CTNNA2: variants seen among roughly 807,000 people sequenced by gnomAD.
CTNNA2 encodes the protein catenin alpha 2, also known as catenin alpha-2.
A neutral mutation model predicts 101.0 loss-of-function variants in CTNNA2; 42 were observed. The observed-to-expected ratio is 0.42, with a 90% CI of 0.32 to 0.54. The LOEUF (loss-of-function observed/expected upper bound fraction) is 0.54, where lower values mean the gene tolerates loss of function less well. Ranked by LOEUF, CTNNA2 falls within the 20% of genes least tolerant of loss-of-function variation. The probability of loss-of-function intolerance (pLI) is 0.14; values close to 1 mark genes in which losing one functional copy is unlikely to be tolerated. For synonymous variants in CTNNA2, 450 were observed against 456.4 expected (o/e 0.99, Z 0.18); for missense variants, 871 against 1,223.1 (o/e 0.71, Z 4.29).
intron 7 of CTNNA2, among the ~76,000 whole-genome samples, chr2:80,261,124 C>T (rs1359812567): frequency 1.3e-5 from 2 of 152,166 alleles, no homozygotes; most frequent in African/African-American, 4.8e-5. Context: ...TTGTTCAAAA[C>T]AGCATGCAAT....
chr2:80,477,837 G>A (rs913511601), intron 9 of CTNNA2, among the ~76,000 whole-genome samples: 9 of 151,834 alleles, frequency 5.9e-5, no homozygotes, highest in African/African-American at 1.9e-4. Flanking sequence ...ATTGTGAATT[G>A]TGCTGTGATA....
intron 7 of CTNNA2, among the ~76,000 whole-genome samples, chr2:80,117,246 A>G (rs1032712516): frequency 2.0e-5 from 3 of 152,142 alleles, no homozygotes; most frequent in African/African-American, 7.2e-5. Flanking sequence ...AACAATGCAT[A>G]TAACACTCAG....
At chr2:79,794,657 T>C (rs1394962974) in intron 3 of CTNNA2, among the ~76,000 whole-genome samples, 1 of 152,222 alleles carries the variant, frequency 6.6e-6, no homozygotes, top group Non-Finnish European at 1.5e-5. Flanking sequence ...TTCTATGCTG[T>C]ACAGTAGATC....
chr2:79,746,289 T>C (rs1671640052), intron 3 of CTNNA2, among the ~76,000 whole-genome samples: 1 of 152,200 alleles, frequency 6.6e-6, no homozygotes, highest in South Asian at 2.1e-4. Context: ...AGGAGTTCTT[T>C]ATATAGTCTG....
At chr2:79,442,924 C>G (rs950241133) in intron 4 of CTNNA2, among the ~76,000 whole-genome samples, 1 of 152,114 alleles carries the variant, frequency 6.6e-6, no homozygotes, top group Non-Finnish European at 1.5e-5. Flanking sequence ...CATGCTTACA[C>G]TTCTGATCAT....
intron 2 of CTNNA2, among the ~76,000 whole-genome samples, chr2:79,287,911 G>T (rs536132831): frequency 6.6e-6 from 1 of 152,354 alleles, no homozygotes; most frequent in African/African-American, 2.4e-5. Flanking sequence ...CTCCACGGGC[G>T]TCGGACCCTC....
chr2:80,550,106 G>T (rs1410247814), intron 11 of CTNNA2, among the ~76,000 whole-genome samples: 1 of 152,078 alleles, frequency 6.6e-6, no homozygotes, highest in African/African-American at 2.4e-5. Context: ...TCCAACTACT[G>T]CAGTAAAATG....
At chr2:80,617,445 G>T in intron 17 of CTNNA2, among the ~76,000 whole-genome samples, 1 of 151,762 alleles carries the variant, frequency 6.6e-6, no homozygotes, top group East Asian at 1.9e-4. Context: ...ACTTAGAATT[G>T]TTGAAAATAA....
chr2:80,628,757 A>G (rs1671963942), intron 18 of CTNNA2, among the ~76,000 whole-genome samples: 1 of 152,020 alleles, frequency 6.6e-6, no homozygotes, highest in Non-Finnish European at 1.5e-5. Flanking sequence ...GTTTCCCAGT[A>G]GCCTTCCCTT....
intron 7 of CTNNA2, among the ~76,000 whole-genome samples, chr2:80,018,855 C>A (rs1694351333): frequency 6.6e-6 from 1 of 151,236 alleles, no homozygotes; most frequent in Non-Finnish European, 1.5e-5. Flanking sequence ...TAGCCAATAT[C>A]TAAAGGTATC....
chr2:79,610,921 C>T (rs1678230896), intron 1 of CTNNA2, among the ~76,000 whole-genome samples: 1 of 151,984 alleles, frequency 6.6e-6, no homozygotes. Context: ...TCTTGAAGAA[C>T]CAGTAACACT....
At chr2:79,339,863 G>T (rs1047121369) in intron 3 of CTNNA2, 7 of 152,296 alleles carry the variant, frequency 4.6e-5, no homozygotes, top group African/African-American at 1.7e-4. Context: ...CTCATACAAG[G>T]TGATTTTACA....
chr2:79,732,580 A>G (rs1687272581), intron 2 of CTNNA2, among the ~76,000 whole-genome samples: 1 of 152,208 alleles, frequency 6.6e-6, no homozygotes, highest in Admixed American at 6.6e-5. Flanking sequence ...TTCCTGAACT[A>G]ATAATGTATT....
At chr2:79,613,887 G>A (rs1019942198) in intron 1 of CTNNA2, among the ~76,000 whole-genome samples, 1 of 152,246 alleles carries the variant, frequency 6.6e-6, no homozygotes, top group African/African-American at 2.4e-5. Flanking sequence ...ATCTCATGGT[G>A]CCAATACTGT....
intron 7 of CTNNA2, among the ~76,000 whole-genome samples, chr2:80,042,366 A>C (rs1696124402): frequency 6.6e-5 from 10 of 152,214 alleles, no homozygotes; most frequent in Admixed American, 6.5e-4. Context: ...TCAAGGCTTA[A>C]ACTAGCTAAA....
At chr2:79,503,181 T>C (rs1406351340) in intron 4 of CTNNA2, among the ~76,000 whole-genome samples, 1 of 152,182 alleles carries the variant, frequency 6.6e-6, no homozygotes. Flanking sequence ...ACATTTTTTT[T>C]ATTATGAAAA....
At chr2:79,852,575 T>A (rs2103914903) in intron 3 of CTNNA2, among the ~76,000 whole-genome samples, 1 of 152,346 alleles carries the variant, frequency 6.6e-6, no homozygotes, top group Non-Finnish European at 1.5e-5. Context: ...AAAGTTTTTT[T>A]GTTTGTTTTG....
intron 3 of CTNNA2, among the ~76,000 whole-genome samples, chr2:79,356,403 A>T (rs1451208875): frequency 2.0e-5 from 3 of 152,144 alleles, no homozygotes. Context: ...TGTAGTTTGC[A>T]TTCTTGCTTT....
At chr2:80,251,778 G>T (rs1255018923) in intron 7 of CTNNA2, among the ~76,000 whole-genome samples, 6 of 152,122 alleles carry the variant, frequency 3.9e-5, no homozygotes, top group African/African-American at 1.4e-4. Context: ...TACCTGAGAA[G>T]TACTACCTAC....
Sources: gnomAD v4.1 joint callset for allele counts (sites outside exome capture counted in the v4.1 genomes callset) on GRCh38, gnomAD v4.1.1 for gene constraint, MANE v1.5 for transcripts, NCBI Gene and HGNC (gene_info 2026-07-23, HGNC 2026-07-21) for gene names.